The following DDC variants were observed in gnomAD, a reference collection of about 807,000 sequenced individuals.
The protein encoded by DDC is aromatic-L-amino-acid decarboxylase.
In DDC, 43 loss-of-function variants were observed where a neutral mutation model predicts 60.0. The observed-to-expected ratio is 0.72, with a 90% CI of 0.56 to 0.92. DDC has a LOEUF of 0.92. DDC is among the 40% of genes least tolerant of loss of function. DDC has a pLI of 0.00. For missense variants in DDC, 573 were observed against 620.2 expected, an observed-to-expected ratio of 0.92 and a Z score of 0.81; for synonymous variants, 232 against 234.6, an observed-to-expected ratio of 0.99 and a Z score of 0.10.
chr7:50,533,003 T>G (rs1312597795), intron 4 of DDC, among the ~76,000 whole-genome samples: 1 of 152,198 alleles, frequency 6.6e-6, no homozygotes, highest in African/African-American at 2.4e-5. Flanking sequence ...ATGGAAAATT[T>G]GATGCAACAC....
chr7:50,462,765 C>A (rs1265636867), intron 14 of DDC, among the ~76,000 whole-genome samples: 3 of 125,538 alleles, frequency 2.4e-5, no homozygotes, highest in Admixed American at 1.8e-4. Flanking sequence ...TTCTCTTCTT[C>A]TTGTTTTTTT....
chr7:50,535,386 A>G (rs1178332463), intron 4 of DDC, among the ~76,000 whole-genome samples: 1 of 152,198 alleles, frequency 6.6e-6, no homozygotes, highest in African/African-American at 2.4e-5. Flanking sequence ...ACCTCAGGTG[A>G]TCTGCCTGCC....
chr7:50,518,845 C>A (rs555809017), intron 6 of DDC, among the ~76,000 whole-genome samples: 1 of 152,134 alleles, frequency 6.6e-6, no homozygotes, highest in Non-Finnish European at 1.5e-5. Context: ...ATTTCATGAA[C>A]AAGAACCCAA....
intron 1 of DDC, among the ~76,000 whole-genome samples, chr7:50,558,689 G>A (rs1422981617): frequency 6.6e-6 from 1 of 151,676 alleles, no homozygotes; most frequent in Non-Finnish European, 1.5e-5. Flanking sequence ...GGGTGCTGGT[G>A]TTCTGAAGCC....
chr7:50,556,288 T>C (rs1190632536), intron 1 of DDC, among the ~76,000 whole-genome samples: 1 of 152,146 alleles, frequency 6.6e-6, no homozygotes, highest in Non-Finnish European at 1.5e-5. Flanking sequence ...CCCGGCAGAT[T>C]TGGTATCTGG....
intron 1 of DDC, among the ~76,000 whole-genome samples, chr7:50,545,439 CAT>C (rs1295526000): frequency 6.6e-6 from 1 of 152,190 alleles, no homozygotes; most frequent in Non-Finnish European, 1.5e-5. Context: ...AATTCTGGCA[CAT>C]GTCTTTCTAG....
intron 4 of DDC, among the ~76,000 whole-genome samples, chr7:50,536,043 C>T (rs2044397774): frequency 6.6e-6 from 1 of 152,172 alleles, no homozygotes; most frequent in Non-Finnish European, 1.5e-5. Flanking sequence ...CCAAACCTGC[C>T]TCCCATTCTA....
intron 8 of DDC, among the ~76,000 whole-genome samples, chr7:50,497,038 G>C (rs2043141577): frequency 6.6e-6 from 1 of 152,218 alleles, no homozygotes; most frequent in African/African-American, 2.4e-5. Context: ...CTGTTTGCTA[G>C]GAGTCTTATG....
chr7:50,492,156 G>C lies in DDC; in HGVS notation c.944+3194C>G, dbSNP rs2043010375. Among the ~76,000 whole-genome samples the C allele has an allele frequency of 2.0e-5, 3 of 152,360 alleles. No homozygotes were observed. The South Asian group carries it at 6.2e-4, about 32-fold the overall frequency. Reference sequence around the variant, plus strand: ...CCAGCCTGCTGATGGCTTTATCTCAGACCTCTGGCCTCTAGGACTGAGATA... The same window carrying C: ...CCAGCCTGCTGATGGCTTTATCTCACACCTCTGGCCTCTAGGACTGAGATA... On this transcript the variant is annotated intron_variant, in intron 9 of 14. Coordinates refer to ENST00000444124, the MANE Select transcript of DDC (RefSeq NM_001082971.2).
chr7:50,528,117 A>C lies in DDC; in HGVS notation c.714+20T>G. On this transcript the variant is annotated intron_variant, in intron 6 of 14. Transcript: ENST00000444124. ...AGTTTCACCTTATTGGCCAGGAGCC[A>C]CAAGTGCTGCCGAACTTACAAAGAA... 6.2e-7 allele frequency: 1 copy of C among 1,611,952 alleles called. No individual in the cohort carries two copies. Among genetic ancestry groups the C allele is most frequent in the Non-Finnish European group, 8.5e-7 (1 of 1,179,706 alleles).
rs2042420600 is a variant in DDC, at chr7:50,467,281, A to T, written c.1175T>A (p.Val392Glu). 6.2e-7 allele frequency: 1 copy of T among 1,614,124 alleles called. No homozygotes were observed. Among genetic ancestry groups the T allele is most frequent in the Admixed American group, 1.7e-5 (1 of 60,004 alleles). ...GATTTCAAAGCGGGGATCCTGGCGC[A>T]CCAGTGACTCAAACTCATGGGACAG... Reference protein sequence around the residue: ...VQLSHEFESLVRQDPRFEICV... With the variant: ...VQLSHEFESLERQDPRFEICV... Residue 392 changes from valine (V) to glutamate (E), a missense_variant, in exon 13 of 15, where the codon GTG (valine) becomes GAG (glutamate). By Grantham distance (121) the Val-to-Glu change is moderately radical (BLOSUM62 -2). Coordinates refer to ENST00000444124, the MANE Select transcript of DDC (RefSeq NM_001082971.2).
At chr7:50,492,135 C>A (rs1176801093) in intron 9 of DDC, among the ~76,000 whole-genome samples, 1 of 152,204 alleles carries the variant, frequency 6.6e-6, no homozygotes, top group Non-Finnish European at 1.5e-5. Flanking sequence ...AAGAAACCAG[C>A]CTGCTGATGG....
At chr7:50,467,164 C>A (rs762003855) in intron 13 of DDC, 50 bp downstream of exon 13, 5 of 1,467,954 alleles carry the variant, frequency 3.4e-6, no homozygotes, top group Non-Finnish European at 4.8e-6. Context: ...CAACACTTTC[C>A]CCTCTGTCAC....
At chr7:50,469,485 T>G (rs1342299391) in intron 12 of DDC, among the ~76,000 whole-genome samples, 3 of 152,184 alleles carry the variant, frequency 2.0e-5, no homozygotes, top group Non-Finnish European at 4.4e-5. Flanking sequence ...CCTTATGTTC[T>G]CATAATTGCC....
At chr7:50,519,827 A>T (rs1242378672) in intron 6 of DDC, among the ~76,000 whole-genome samples, 2 of 152,060 alleles carry the variant, frequency 1.3e-5, no homozygotes, top group African/African-American at 4.8e-5. Context: ...AAATCTCACA[A>T]ATCACCACTA....
chr7:50,484,622 CAG>C (rs1463939043), intron 9 of DDC, among the ~76,000 whole-genome samples: 6 of 152,090 alleles, frequency 3.9e-5, no homozygotes, highest in African/African-American at 1.2e-4. Flanking sequence ...TTTATGGAAA[CAG>C]ATGTGTATGT....
At chr7:50,517,054 T>C (rs2043752731) in intron 6 of DDC, among the ~76,000 whole-genome samples, 2 of 151,964 alleles carry the variant, frequency 1.3e-5, no homozygotes, top group African/African-American at 2.4e-5. Flanking sequence ...AGAAAAACCC[T>C]CCCTAATTCA....
chr7:50,524,779 A>T (rs1198027981), intron 6 of DDC, among the ~76,000 whole-genome samples: 1 of 152,246 alleles, frequency 6.6e-6, no homozygotes, highest in Non-Finnish European at 1.5e-5. Context: ...TTGTTAAAAA[A>T]ATTAAATGTA....
intron 3 of DDC, 84 bp from the exon 4 acceptor site, chr7:50,538,063 T>C: frequency 1.3e-6 from 2 of 1,525,352 alleles, no homozygotes; most frequent in South Asian, 1.1e-5. Flanking sequence ...GATTTAACCT[T>C]CCACTAAAGC....
Sources: gnomAD v4.1 joint callset for allele counts (sites outside exome capture counted in the v4.1 genomes callset) on GRCh38, gnomAD v4.1.1 for gene constraint, MANE v1.5 for transcripts, NCBI Gene and HGNC (gene_info 2026-07-23, HGNC 2026-07-21) for gene names.